PHF21A: variants seen among roughly 807,000 people sequenced by gnomAD.
The protein encoded by PHF21A is PHD finger protein 21A.
PHF21A carries 11 observed loss-of-function variants against 82.5 expected under a neutral mutation model. That is an observed-to-expected ratio of 0.13 (90% CI 0.08 to 0.22). PHF21A has a LOEUF of 0.22. PHF21A is among the 10% of genes least tolerant of loss of function. PHF21A has a pLI of 1.00. For synonymous variants in PHF21A, 297 were observed against 302.8 expected (o/e 0.98, Z 0.20); for missense variants, 579 against 837.8 (o/e 0.69, Z 3.81).
intron 1 of PHF21A, among the ~76,000 whole-genome samples, chr11:46,118,350 T>G (rs1851968116): frequency 6.7e-6 from 1 of 150,358 alleles, no homozygotes; most frequent in African/African-American, 2.5e-5. Flanking sequence ...CACTTTATTA[T>G]GGGCAGCCAA....
intron 6 of PHF21A, among the ~76,000 whole-genome samples, chr11:46,073,595 C>T (rs2096682811): frequency 6.6e-6 from 1 of 152,132 alleles, no homozygotes; most frequent in African/African-American, 2.4e-5. Flanking sequence ...ATATTTTATA[C>T]TGACACTGTT....
chr11:46,027,132 T>A (rs550122245), intron 6 of PHF21A: 1 of 152,164 alleles, frequency 6.6e-6, no homozygotes, highest in African/African-American at 2.4e-5. Flanking sequence ...AGATTATAAA[T>A]AGGCTGCCAA....
chr11:46,037,606 G>A (rs1200060684), intron 6 of PHF21A, among the ~76,000 whole-genome samples: 10 of 138,112 alleles, frequency 7.2e-5, no homozygotes, highest in African/African-American at 2.5e-4. Context: ...TCGTGCCAGC[G>A]CACTCCAGCC....
intron 6 of PHF21A, among the ~76,000 whole-genome samples, chr11:46,019,082 A>AT (rs201568164): frequency 0.015 from 2,128 of 145,178 alleles, 41 homozygotes; most frequent in African/African-American, 0.043. Context: ...GCCTAATCTA[A>AT]TTTTTTTTTT....
intron 6 of PHF21A, among the ~76,000 whole-genome samples, chr11:45,997,373 C>T (rs1471542896): frequency 6.6e-6 from 1 of 152,162 alleles, no homozygotes; most frequent in African/African-American, 2.4e-5. Flanking sequence ...GACTATACTT[C>T]TTAAAATCCA....
intron 10 of PHF21A, among the ~76,000 whole-genome samples, chr11:45,964,926 A>C (rs1442458182): frequency 1.3e-5 from 2 of 152,170 alleles, no homozygotes; most frequent in African/African-American, 4.8e-5. Context: ...TGTTTTGTTT[A>C]TTCTTCCTGA....
intron 18 of PHF21A, chr11:45,934,907 G>A: frequency 2.7e-6 from 1 of 373,960 alleles, no homozygotes; most frequent in South Asian, 2.0e-5. Context: ...TAGGTATGGT[G>A]AGGAGGAGAA....
At chr11:46,106,836 T>C (rs1212818014) in intron 1 of PHF21A, among the ~76,000 whole-genome samples, 1 of 152,236 alleles carries the variant, frequency 6.6e-6, no homozygotes, top group African/African-American at 2.4e-5. Flanking sequence ...TGGTCAACTC[T>C]GAGGAAAACA....
rs1045770678 is a variant in PHF21A, at chr11:46,005,399, G to A, written c.154-25433C>T. ...TAGAATATTTGCACAATATATTAAC[G>A]CCTTGTATATACCAAATAATCTTAG... On this transcript the variant is annotated intron_variant, in intron 6 of 18. Transcript: ENST00000676320. 2.0e-4 allele frequency among the ~76,000 whole-genome samples: 30 copies of A among 152,194 alleles called. 1 individual carries two copies. Among genetic ancestry groups the A allele is most frequent in the Middle Eastern group, 3.4e-3 (1 of 294 alleles).
chr11:45,975,327 T>TAAAAC (rs1297965034), intron 7 of PHF21A, among the ~76,000 whole-genome samples: 29 of 64,160 alleles, frequency 4.5e-4, no homozygotes, highest in African/African-American at 2.2e-3. Context: ...GAAAACAAAA[T>TAAAAC]AAAATAAAAT....
chr11:46,014,027 T>C (rs1057188273), intron 6 of PHF21A, among the ~76,000 whole-genome samples: 25 of 152,202 alleles, frequency 1.6e-4, no homozygotes, highest in Non-Finnish European at 3.1e-4. Flanking sequence ...TTATTTATTT[T>C]AGATTCAAGG....
At chr11:46,036,628 T>C (rs1033391774) in intron 6 of PHF21A, among the ~76,000 whole-genome samples, 2 of 152,176 alleles carry the variant, frequency 1.3e-5, no homozygotes, top group African/African-American at 4.8e-5. Context: ...TCTTGTGAAG[T>C]TCATTTCTAG....
Position 45,971,905 on chromosome 11 carries a change from T to TTTTTTTTTTTTTTTTTTTTTTTTTTTTTA in PHF21A, c.361-539_361-538insTAAAAAAAAAAAAAAAAAAAAAAAAAAAA, listed in dbSNP as rs1452859819. ...CTTTTTCTTTCTTTTTTTTTTTTTT[T>TTTTTTTTTTTTTTTTTTTTTTTTTTTTTA]ATGGTGTCACCCTGGAGAGAAGGAA... On this transcript the variant is annotated intron_variant, in intron 7 of 18. Transcript: ENST00000676320. Among the ~76,000 whole-genome samples the TTTTTTTTTTTTTTTTTTTTTTTTTTTTTA allele has an allele frequency of 2.3e-3, 207 of 89,898 alleles. 60 individuals are homozygous for TTTTTTTTTTTTTTTTTTTTTTTTTTTTTA. In the East Asian group the frequency reaches 0.043, roughly 19 times the overall value. The allele number at this position is 89,898 out of a possible 152,430, so 59.0% of individuals were successfully genotyped here.
chr11:45,963,756 G>A (rs1259964090), intron 10 of PHF21A, among the ~76,000 whole-genome samples: 1 of 152,138 alleles, frequency 6.6e-6, no homozygotes, highest in Non-Finnish European at 1.5e-5. Flanking sequence ...GTGGAACACT[G>A]AGGCTCCTCA....
At chr11:45,947,659 A>G (rs1174622374) in intron 14 of PHF21A, among the ~76,000 whole-genome samples, 2 of 152,188 alleles carry the variant, frequency 1.3e-5, no homozygotes, top group Non-Finnish European at 2.9e-5. Flanking sequence ...TTTCTGGCTC[A>G]TTTAACCCCT....
intron 6 of PHF21A, among the ~76,000 whole-genome samples, chr11:46,035,690 T>C (rs184370844): frequency 2.0e-3 from 310 of 152,252 alleles, no homozygotes; most frequent in Non-Finnish European, 3.8e-3. Context: ...CACTGAGACT[T>C]GAAGGATGTG....
rs1470929446 is a variant in PHF21A, at chr11:45,934,007, G to C, written c.2007C>G (p.Ser669Arg). 8.7e-6 allele frequency: 14 copies of C among 1,608,036 alleles called. No individual in the cohort carries two copies. Among genetic ancestry groups the C allele is most frequent in the Non-Finnish European group, 1.2e-5 (14 of 1,177,058 alleles). Reference sequence around the variant, plus strand: ...CCCCCTGGTTACAGTTCGCTGTGCAGCTCTGGGAGGAGGGGGAAGGGGCCG... The same window carrying C: ...CCCCCTGGTTACAGTTCGCTGTGCACCTCTGGGAGGAGGGGGAAGGGGCCG... ...STPAPSPSSQ[S>R]CTANCNQGEE... The change falls in exon 19 of 19, where the codon AGC becomes AGG. Residue 669 changes from serine (S) to arginine (R), a missense_variant. Coordinates refer to ENST00000676320, the MANE Select transcript of PHF21A (RefSeq NM_001352027.3).
At chr11:45,997,465 T>C (rs2094947658) in intron 6 of PHF21A, among the ~76,000 whole-genome samples, 1 of 152,210 alleles carries the variant, frequency 6.6e-6, no homozygotes, top group Non-Finnish European at 1.5e-5. Flanking sequence ...GTTGAATAAC[T>C]GTATGCCAAA....
intron 1 of PHF21A, among the ~76,000 whole-genome samples, chr11:46,111,634 T>A (rs190756958): frequency 6.4e-4 from 97 of 152,340 alleles, no homozygotes; most frequent in African/African-American, 2.3e-3. Flanking sequence ...TGCTTCTGCA[T>A]ACATTCAAAC....
Sources: gnomAD v4.1 joint callset for allele counts (sites outside exome capture counted in the v4.1 genomes callset) on GRCh38, gnomAD v4.1.1 for gene constraint, MANE v1.5 for transcripts, NCBI Gene and HGNC (gene_info 2026-07-23, HGNC 2026-07-21) for gene names.